Variants in ASPHD1 observed in about 807,000 individuals in gnomAD.
ASPHD1 encodes the protein aspartate beta-hydroxylase domain-containing protein 1.
In ASPHD1, 20 loss-of-function variants were observed where a neutral mutation model predicts 28.3. The observed-to-expected ratio is 0.71, with a 90% CI of 0.50 to 1.03. ASPHD1 has a LOEUF of 1.03. Among genes scored for constraint, ASPHD1 ranks in the 50% least tolerant of loss-of-function variants. The pLI, the probability that ASPHD1 is intolerant of heterozygous loss-of-function variation, is 0.00. For missense variants in ASPHD1, 479 were observed against 524.1 expected (o/e 0.91, Z 0.84); for synonymous variants, 240 against 221.2 (o/e 1.08, Z -0.75).
chr16:29,904,126 G>GAATAAAATAA (rs55763869), intron 1 of ASPHD1, among the ~76,000 whole-genome samples: 3,199 of 147,250 alleles, frequency 0.022, 72 homozygotes, highest in African/African-American at 0.054. Flanking sequence ...GTCTGTATAA[G>GAATAAAATAA]AATAAAATAA....
intron 2 of ASPHD1, 40 bp from the exon 3 acceptor site, chr16:29,905,748 A>G: frequency 6.8e-7 from 1 of 1,464,908 alleles, no homozygotes; most frequent in Non-Finnish European, 9.6e-7. Context: ...GCAAGTACCT[A>G]ATGTCAGTGG....
chr16:29,906,337 A>G (rs2068611565), downstream of ASPHD1: 1 of 205,562 alleles, frequency 4.9e-6, no homozygotes, highest in Non-Finnish European at 9.9e-6. Flanking sequence ...AGCCAGCACC[A>G]GTTTCTCAAC....
chr16:29,911,812 C>T, intron 3 of ASPHD1: 1 of 1,612,578 alleles, frequency 6.2e-7, no homozygotes, highest in Non-Finnish European at 8.5e-7. Flanking sequence ...CCCCGGCGGT[C>T]ACCTGGTGTA....
downstream of ASPHD1, chr16:29,906,148 CTTTTTTT>C (rs770827164): frequency 7.3e-5 from 13 of 177,430 alleles, no homozygotes; most frequent in East Asian, 1.6e-3. Flanking sequence ...TTTTTTCTTT[CTTTTTTT>C]TTTTTTTTTG....
chr16:29,912,784 A>T (rs929646758), intron 3 of ASPHD1, among the ~76,000 whole-genome samples: 1 of 152,176 alleles, frequency 6.6e-6, no homozygotes, highest in African/African-American at 2.4e-5. Context: ...GACTTTTTCT[A>T]ACTTTTTGTA....
chr16:29,912,016 T>C (rs763867984), intron 3 of ASPHD1: 1 of 1,611,510 alleles, frequency 6.2e-7, no homozygotes, highest in Non-Finnish European at 8.5e-7. Flanking sequence ...ACCATGGGGA[T>C]GAGGCACAGC....
downstream of ASPHD1, chr16:29,910,940 C>T (rs756082849): frequency 3.2e-6 from 5 of 1,581,576 alleles, no homozygotes; most frequent in East Asian, 2.2e-5. Context: ...GTCCTGGCCA[C>T]CCCCAGCCCC....
At position 29,900,805 on chromosome 16, in the gene ASPHD1, G is replaced by C. The variant is rs577764777; in HGVS notation, c.-167G>C. ...GAGAGAGAGCGAGCGAAAAGCGGGG[G>C]TGGGGAGGAAAGGGGGAGATTGAGG... is the stretch of plus-strand genomic sequence containing the variant. On this transcript the variant is annotated 5_prime_UTR_variant, in exon 1 of 3. Coordinates refer to ENST00000308748, the MANE Select transcript of ASPHD1 (RefSeq NM_181718.4). 3.0e-6 allele frequency: 2 copies of C among 659,954 alleles called. No individual in the cohort carries two copies. The highest frequency in any genetic ancestry group is 5.1e-6 in the Non-Finnish European group (2 of 388,752). The allele number at this position is 659,954 out of a possible 1,614,324, so 40.9% of individuals were successfully genotyped here.
At chr16:29,906,911 G>T (rs773039788), downstream of ASPHD1, 1 of 1,614,028 alleles carries the variant, frequency 6.2e-7, no homozygotes. Context: ...GAGGACGCTC[G>T]TCGTGGGTGA....
intron 3 of ASPHD1, chr16:29,912,394 C>T (rs935299832): frequency 2.5e-6 from 1 of 397,984 alleles, no homozygotes; most frequent in African/African-American, 2.1e-5. Flanking sequence ...CTCCCCAGCC[C>T]CCCTGGCTAA....
At position 29,905,976 on chromosome 16, in the gene ASPHD1, C is replaced by G. The variant is rs1003250573; in HGVS notation, c.*79C>G. 5 of 888,486 alleles carry G rather than the reference C, an allele frequency of 5.6e-6. No homozygotes were observed. The African/African-American group carries it at 8.4e-5, about 15-fold the overall frequency. 55.0% of individuals were successfully genotyped at this position (888,486 alleles called of 1,614,324 possible). A position where few individuals can be genotyped will look rare whatever the true frequency, so the allele number is the denominator to read the frequency against. The stretch of plus-strand genomic sequence containing the variant: ...GGCTTGATGGTAGCCAGGACCTCCT[C>G]TCTACTGCGGGGGTGGGCGGGGGCG... On this transcript the variant is annotated 3_prime_UTR_variant, in exon 3 of 3. Transcript: ENST00000308748.
downstream of ASPHD1, chr16:29,906,825 A>G: frequency 6.5e-7 from 1 of 1,527,368 alleles, no homozygotes; most frequent in Non-Finnish European, 9.0e-7. Context: ...GGAAAGAGAG[A>G]GGGACTGGGT....
chr16:29,905,098 C>T, intron 2 of ASPHD1, 133 bp downstream of exon 2: 1 of 631,642 alleles, frequency 1.6e-6, no homozygotes, highest in Non-Finnish European at 2.7e-6. Context: ...TGACCTTGAA[C>T]AAGCCGCATA....
At chr16:29,916,661 C>T (rs1379979297) in intron 3 of ASPHD1, among the ~76,000 whole-genome samples, 5 of 152,030 alleles carry the variant, frequency 3.3e-5, no homozygotes, top group Non-Finnish European at 5.9e-5. Flanking sequence ...GTCAGGAGTT[C>T]GAGACCAGCC....
Position 29,901,320 on chromosome 16 carries a change from G to T in ASPHD1, c.349G>T (p.Gly117Cys), listed in dbSNP as rs1229561165. Reference protein sequence around the residue: ...GAGSRAGGVRGGPVGCSEAGG... With the variant: ...GAGSRAGGVRCGPVGCSEAGG... ...TGGGAGCCGAGCTGGGGGTGTTCGT[G>T]GTGGGCCTGTGGGATGCTCGGAGGC... Residue 117 changes from glycine to cysteine, a missense_variant, in exon 1 of 3, where the codon GGT becomes TGT. By Grantham distance (159) the Gly-to-Cys change is radical. Transcript: ENST00000308748. This position sits in a 1 kb window ranked among gnomAD's most constrained non-coding sequence, Gnocchi z 5.1. 6.8e-6 allele frequency: 11 copies of T among 1,609,946 alleles called. No homozygotes were observed. Among genetic ancestry groups the T allele is most frequent in the African/African-American group, 4.0e-5 (3 of 74,838 alleles).
Position 29,901,318 on chromosome 16 carries a change from G to T in ASPHD1, c.347G>T (p.Arg116Leu), listed in dbSNP as rs1041348374. 6.2e-6 allele frequency: 10 copies of T among 1,610,056 alleles called. No individual in the cohort carries two copies. Among genetic ancestry groups the T allele is most frequent in the Non-Finnish European group, 8.5e-6 (10 of 1,178,846 alleles). The change falls in exon 1 of 3, where the codon CGT becomes CTT. Residue 116 changes from arginine (R) to leucine (L), a missense_variant. Arg to Leu is a moderately radical substitution (Grantham distance 102, BLOSUM62 -2). Transcript: ENST00000308748. The surrounding 1 kb of genome is among the most constrained non-coding windows in gnomAD (Gnocchi z 5.1). ...GCTGGGAGCCGAGCTGGGGGTGTTC[G>T]TGGTGGGCCTGTGGGATGCTCGGAG... ...LGAGSRAGGV[R>L]GGPVGCSEAG...
intron 3 of ASPHD1, among the ~76,000 whole-genome samples, chr16:29,915,825 T>C (rs2068800133): frequency 6.6e-6 from 1 of 152,194 alleles, no homozygotes; most frequent in Non-Finnish European, 1.5e-5. Context: ...GCTTGACCTT[T>C]AGACCACATT....
At position 29,901,460 on chromosome 16, in the gene ASPHD1, T is replaced by C; in HGVS notation, c.489T>C (p.Gly163=). ...YARRYSWAGM[G]RVRRAAQGGP... The stretch of plus-strand genomic sequence containing the variant: ...GGCGCTACTCCTGGGCTGGGATGGG[T>C]AGAGTGAGGCGGGCAGCTCAGGGTG... Residue 163 remains glycine, a synonymous_variant, in exon 1 of 3, where the codon GGT becomes GGC. Coordinates refer to ENST00000308748, the MANE Select transcript of ASPHD1 (RefSeq NM_181718.4). The surrounding 1 kb of genome is among the most constrained non-coding windows in gnomAD (Gnocchi z 5.1). 6.3e-7 allele frequency: 1 copy of C among 1,599,550 alleles called. No homozygotes were observed. Among genetic ancestry groups the C allele is most frequent in the Non-Finnish European group, 8.5e-7 (1 of 1,174,376 alleles).
intron 3 of ASPHD1, among the ~76,000 whole-genome samples, chr16:29,915,548 A>C (rs1014745836): frequency 6.6e-6 from 1 of 151,664 alleles, no homozygotes; most frequent in African/African-American, 2.4e-5. Context: ...GCTACTCAGG[A>C]GGCTGAGACA....
Sources: gnomAD v4.1 joint callset for allele counts (sites outside exome capture counted in the v4.1 genomes callset) on GRCh38, gnomAD v4.1.1 for gene constraint, Gnocchi (gnomAD v3.1) non-coding constraint, MANE v1.5 for transcripts, NCBI Gene and HGNC (gene_info 2026-07-23, HGNC 2026-07-21) for gene names.